Variants in ACOT4 observed in about 807,000 individuals in gnomAD.
ACOT4 encodes acyl-CoA thioesterase 4, also known as peroxisomal succinyl-coenzyme A thioesterase.
Under a neutral mutation model 17.1 loss-of-function variants are expected in ACOT4, and 18 were observed. The ratio of observed to expected loss-of-function variants is 1.05; its 90% CI spans 0.73 to 1.56. The LOEUF (loss-of-function observed/expected upper bound fraction) is 1.56. Ranked by LOEUF, ACOT4 falls within the 40% of genes most tolerant of loss-of-function variation. The probability of loss-of-function intolerance (pLI) is 0.00; values close to 1 mark genes in which losing one functional copy is unlikely to be tolerated. For missense variants in ACOT4, 574 were observed against 557.2 expected (o/e 1.03, Z -0.30); for synonymous variants, 234 against 236.6 (o/e 0.99, Z 0.10).
chr14:73,594,788 C>T (rs1056530831), intron 2 of ACOT4, among the ~76,000 whole-genome samples: 1 of 152,136 alleles, frequency 6.6e-6, no homozygotes, highest in Admixed American at 6.5e-5. Flanking sequence ...GCAACCTCCG[C>T]CTCCTGGGCT....
At chr14:73,594,710 T>TTATTTATC (rs1355290581) in intron 2 of ACOT4, among the ~76,000 whole-genome samples, 12 of 151,178 alleles carry the variant, frequency 7.9e-5, no homozygotes, top group African/African-American at 2.7e-4. Context: ...ATTTATTTAT[T>TTATTTATC]TATCTTTTGA....
rs140860869 is a variant in ACOT4, at chr14:73,594,665, T to C, written c.661-384T>C. 7.4e-3 allele frequency among the ~76,000 whole-genome samples: 1,107 copies of C among 149,064 alleles called. 15 individuals carry two copies. Among genetic ancestry groups the C allele is most frequent in the African/African-American group, 0.026 (1,026 of 39,798 alleles). ...TGCATTTTAGAAAAATGTTTTTGCA[T>C]TGGATAAGTTATTTATTTATTTATT... On this transcript the variant is annotated intron_variant, in intron 2 of 2. Coordinates refer to ENST00000326303, the MANE Select transcript of ACOT4 (RefSeq NM_152331.4).
Position 73,595,454 on chromosome 14 carries a change from C to G in ACOT4, c.1066C>G (p.Pro356Ala). The change falls in exon 3 of 3, where the codon CCT becomes GCT. Residue 356 changes from proline to alanine, a missense_variant. By Grantham distance (27) the Pro-to-Ala change is conservative. Transcript: ENST00000326303. ...GKEKPQIICY[P>A]GTGHYIEPPY... is the part of the protein sequence containing the mutation. ...GGAAAAACCCCAGATCATCTGTTAC[C>G]CTGGGACTGGGCATTACATCGAGCC... 1.2e-6 allele frequency: 2 copies of G among 1,614,200 alleles called. No homozygotes were observed. The highest frequency in any genetic ancestry group is 1.7e-6 in the Non-Finnish European group (2 of 1,180,038).
In ACOT4 at chr14:73,592,372, C is replaced by G. The variant is rs550885290; in HGVS notation, c.413C>G (p.Ser138Trp). Residue 138 changes from serine to tryptophan, a missense_variant, in exon 1 of 3, where the codon TCG (serine) becomes TGG (tryptophan). Ser to Trp is a radical substitution (Grantham distance 177). Coordinates refer to ENST00000326303, the MANE Select transcript of ACOT4 (RefSeq NM_152331.4). ...CTCCCGCCAGGGGTGCGGCGCCAGT[C>G]GGTGCGAGCGGGCCGGGTGCGCGCC... ...HFLPPGVRRQ[S>W]VRAGRVRATL... 7 of 1,570,114 alleles carry G rather than the reference C, an allele frequency of 4.5e-6. No homozygotes were observed. Among genetic ancestry groups the G allele is most frequent in the East Asian group, 4.7e-5 (2 of 42,358 alleles).
rs763254912 is a variant in ACOT4, at chr14:73,595,368, A to G, written c.980A>G (p.His327Arg). ...CTGCTCATTGTTGGTCAGGATGACCATAACTGGAGAAGTGAGTTGTATGCC... is the reference window on the plus strand; with the variant it reads ...CTGCTCATTGTTGGTCAGGATGACCGTAACTGGAGAAGTGAGTTGTATGCC... ...PILLIVGQDD[H>R]NWRSELYAQT... Residue 327 changes from histidine (H) to arginine (R), a missense_variant, in exon 3 of 3, where the codon CAT becomes CGT. His to Arg is a conservative substitution (Grantham distance 29, BLOSUM62 0). Coordinates refer to ENST00000326303, the MANE Select transcript of ACOT4 (RefSeq NM_152331.4). 6.2e-6 allele frequency: 10 copies of G among 1,614,262 alleles called. No homozygotes were observed. Among genetic ancestry groups the G allele is most frequent in the East Asian group, 2.2e-5 (1 of 44,886 alleles).
rs188353876 is a variant in ACOT4, at chr14:73,592,943, C to T, written c.457+527C>T. Among the ~76,000 whole-genome samples the T allele has an allele frequency of 3.9e-3, 601 of 152,334 alleles. 9 individuals are homozygous for T. Among genetic ancestry groups the T allele is most frequent in the Admixed American group, 0.027 (415 of 15,304 alleles). On this transcript the variant is annotated intron_variant, in intron 1 of 2. Coordinates refer to ENST00000326303, the MANE Select transcript of ACOT4 (RefSeq NM_152331.4). ...CTATCAGTTAGTCTCTATAATATCC[C>T]AATGAAGTTGGTATTGTTATTCTGC...
chr14:73,592,266 G>A lies in ACOT4; in HGVS notation c.307G>A (p.Val103Ile). ...GAAGCGGGACGTACAGATTCCTTTT[G>A]TCGTGGAGTTGGAGGTGCTGGACGG... ...FLKRDVQIPF[V>I]VELEVLDGHD... The change falls in exon 1 of 3, where the codon GTC (valine) becomes ATC (isoleucine). Residue 103 changes from valine (V) to isoleucine (I), a missense_variant. Coordinates refer to ENST00000326303, the MANE Select transcript of ACOT4 (RefSeq NM_152331.4). 1.2e-6 allele frequency: 2 copies of A among 1,613,194 alleles called. No individual in the cohort carries two copies. The highest frequency in any genetic ancestry group is 1.3e-5 in the African/African-American group (1 of 75,002).
At chr14:73,594,981 A>G (rs985387197) in intron 2 of ACOT4, 68 bp from the exon 3 acceptor site, 19 of 1,570,036 alleles carry the variant, frequency 1.2e-5, no homozygotes, top group Non-Finnish European at 1.6e-5. Flanking sequence ...TTGGGATTAC[A>G]GGCATGAGCC....
In ACOT4 at chr14:73,595,337, C is replaced by T. The variant is rs1890229795; in HGVS notation, c.949C>T (p.Pro317Ser). 2 of 1,614,210 alleles carry T rather than the reference C, an allele frequency of 1.2e-6. No individual in the cohort carries two copies. The highest frequency in any genetic ancestry group is 1.1e-5 in the South Asian group (1 of 91,082). ...SMIPIEKAQG[P>S]ILLIVGQDDH... ...GATTCCAATAGAGAAGGCCCAGGGG[C>T]CCATCCTGCTCATTGTTGGTCAGGA... Residue 317 changes from proline (P) to serine (S), a missense_variant, in exon 3 of 3, where the codon CCC becomes TCC. Physicochemically the swap from Pro to Ser is moderately conservative, Grantham distance 74. Coordinates refer to ENST00000326303, the MANE Select transcript of ACOT4 (RefSeq NM_152331.4).
rs755356724 is a variant in ACOT4, at chr14:73,595,127, A to G, written c.739A>G (p.Asn247Asp). The G allele has an allele frequency of 3.7e-6, 6 of 1,614,070 alleles. No individual in the cohort carries two copies. The Admixed American group carries it at 1.0e-4, about 27-fold the overall frequency. ...ICLSMASFLK[N>D]VSATVSINGS... ...TCTCTCAATGGCCTCATTCTTGAAGAATGTCTCAGCCACAGTTTCCATCAA... is the reference window on the plus strand; with the variant it reads ...TCTCTCAATGGCCTCATTCTTGAAGGATGTCTCAGCCACAGTTTCCATCAA... Residue 247 changes from asparagine (N) to aspartate (D), a missense_variant, in exon 3 of 3, where the codon AAT becomes GAT. Transcript: ENST00000326303.
At chr14:73,594,997 AC>A in intron 2 of ACOT4, 51 bp from the exon 3 acceptor site, 2 of 1,595,464 alleles carry the variant, frequency 1.3e-6, no homozygotes, top group Non-Finnish European at 1.7e-6. Context: ...GAGCCACCGC[AC>A]CCAATCTGGA....
chr14:73,593,838 T>A lies in ACOT4; in HGVS notation c.594T>A (p.Asn198Lys). 6.2e-7 allele frequency: 1 copy of A among 1,614,114 alleles called. No individual in the cohort carries two copies. The highest frequency in any genetic ancestry group is 1.3e-5 in the African/African-American group (1 of 75,050). Residue 198 changes from asparagine (N) to lysine (K), a missense_variant, in exon 2 of 3, where the codon AAT becomes AAA. Coordinates refer to ENST00000326303, the MANE Select transcript of ACOT4 (RefSeq NM_152331.4). The part of the protein sequence containing the change: ...LAYYNFEDLP[N>K]NMDNISLEYF... ...ATTATAACTTTGAAGATCTCCCCAATAACATGGACAACATATCCCTGGAGT... is the reference window on the plus strand; with the variant it reads ...ATTATAACTTTGAAGATCTCCCCAAAAACATGGACAACATATCCCTGGAGT...
Position 73,591,997 on chromosome 14 carries a change from G to A in ACOT4, c.38G>A (p.Cys13Tyr). The change falls in exon 1 of 3, where the codon TGC (cysteine) becomes TAC (tyrosine). Residue 13 changes from cysteine to tyrosine, a missense_variant. Cys to Tyr is a radical substitution (Grantham distance 194, BLOSUM62 -2). Transcript: ENST00000326303. ...CTGATCCTGGAGCCCCCAGGCCGCT[G>A]CTGCTGGAACGAGCCGGTGCGCATT... ...ATLILEPPGR[C>Y]CWNEPVRIAV... 7.0e-7 allele frequency: 1 copy of A among 1,422,646 alleles called. No individual in the cohort carries two copies. Among genetic ancestry groups the A allele is most frequent in the Non-Finnish European group, 9.2e-7 (1 of 1,090,740 alleles). The allele number at this position is 1,422,646 out of a possible 1,614,324, so 88.1% of individuals were successfully genotyped here. A position where few individuals can be genotyped will look rare whatever the true frequency, so the allele number is the denominator to read the frequency against.
In ACOT4 at chr14:73,592,258, T is replaced by A. The variant is rs780904319; in HGVS notation, c.299T>A (p.Ile100Asn). 6 of 1,613,278 alleles carry A rather than the reference T, an allele frequency of 3.7e-6. No homozygotes were observed. In the South Asian group the frequency reaches 6.6e-5, roughly 18 times the overall value. Residue 100 changes from isoleucine (I) to asparagine (N), a missense_variant, in exon 1 of 3, where the codon ATT becomes AAT. Transcript: ENST00000326303. ...CGCTTCCTGAAGCGGGACGTACAGA[T>A]TCCTTTTGTCGTGGAGTTGGAGGTG... ...FWRFLKRDVQ[I>N]PFVVELEVLD... is the part of the protein sequence containing the mutation.
At chr14:73,593,938 C>G (rs1253640975) in intron 2 of ACOT4, 34 bp downstream of exon 2, 4 of 1,557,650 alleles carry the variant, frequency 2.6e-6, no homozygotes, top group Non-Finnish European at 3.5e-6. Flanking sequence ...ATCAGTCTCT[C>G]TAGAAATATT....
intron 2 of ACOT4, 104 bp downstream of exon 2, chr14:73,594,008 AG>A (rs1454120209): frequency 1.8e-6 from 2 of 1,095,192 alleles, no homozygotes; most frequent in Non-Finnish European, 2.6e-6. Context: ...TCTTTCACAA[AG>A]ATGTCTTCTG....
Position 73,593,812 on chromosome 14 carries a change from T to C in ACOT4, c.568T>C (p.Tyr190His), listed in dbSNP as rs77408762. ...GHGFATLALA[Y>H]YNFEDLPNNM... is the part of the protein sequence containing the mutation. ...TGGCTTTGCCACGTTGGCTCTAGCT[T>C]ATTATAACTTTGAAGATCTCCCCAA... Residue 190 changes from tyrosine to histidine, a missense_variant, in exon 2 of 3, where the codon TAT (tyrosine) becomes CAT (histidine). By Grantham distance (83) the Tyr-to-His change is moderately conservative. Coordinates refer to ENST00000326303, the MANE Select transcript of ACOT4 (RefSeq NM_152331.4). The C allele has an allele frequency of 9.3e-7, 1 of 1,073,002 alleles. No homozygotes were observed. The highest frequency in any genetic ancestry group is 2.0e-5 in the Admixed American group (1 of 49,220). 66.5% of individuals were successfully genotyped at this position (1,073,002 alleles called of 1,614,324 possible). A position where few individuals can be genotyped will look rare whatever the true frequency, so the allele number is the denominator to read the frequency against.
chr14:73,592,013 G>T lies in ACOT4; in HGVS notation c.54G>T (p.Pro18=). 7.0e-7 allele frequency: 1 copy of T among 1,433,958 alleles called. No homozygotes were observed. 88.8% of individuals were successfully genotyped at this position (1,433,958 alleles called of 1,614,324 possible). The change falls in exon 1 of 3, where the codon CCG becomes CCT. Residue 18 remains proline (P), a synonymous_variant. Transcript: ENST00000326303. ...CAGGCCGCTGCTGCTGGAACGAGCC[G>T]GTGCGCATTGCCGTGCGCGGCCTGG... ...EPPGRCCWNE[P]VRIAVRGLAP... is the part of the protein sequence containing the mutation.
rs769775190 is a variant in ACOT4 at position 73,592,355 on chromosome 14, A to G, written c.396A>G (p.Pro132=). The change falls in exon 1 of 3, where the codon CCA becomes CCG. Residue 132 remains proline, a synonymous_variant. Coordinates refer to ENST00000326303, the MANE Select transcript of ACOT4 (RefSeq NM_152331.4). ...QAQHERHFLP[P]GVRRQSVRAG... is the part of the protein sequence containing the mutation. ...AGCACGAGCGCCACTTCCTCCCGCCAGGGGTGCGGCGCCAGTCGGTGCGAG... is the reference window on the plus strand; with the variant it reads ...AGCACGAGCGCCACTTCCTCCCGCCGGGGGTGCGGCGCCAGTCGGTGCGAG... The G allele has an allele frequency of 1.3e-6, 2 of 1,590,664 alleles. No individual in the cohort carries two copies. The highest frequency in any genetic ancestry group is 4.6e-5 in the East Asian group (2 of 43,588).
Sources: gnomAD v4.1 joint callset for allele counts (sites outside exome capture counted in the v4.1 genomes callset) on GRCh38, gnomAD v4.1.1 for gene constraint, MANE v1.5 for transcripts, NCBI Gene and HGNC (gene_info 2026-07-23, HGNC 2026-07-21) for gene names.